The following GSTCD variants were observed in gnomAD, a reference collection of about 807,000 sequenced individuals.
The protein encoded by GSTCD is glutathione S-transferase C-terminal domain-containing protein.
A neutral mutation model predicts 68.3 loss-of-function variants in GSTCD; 44 were observed. The observed-to-expected ratio is 0.64, with a 90% CI of 0.51 to 0.83. The LOEUF is 0.83. Among genes scored for constraint, GSTCD ranks in the 40% least tolerant of loss-of-function variants. GSTCD has a pLI of 0.00. For missense variants in GSTCD, 739 were observed against 735.9 expected (o/e 1.00, Z -0.05); for synonymous variants, 273 against 255.2 (o/e 1.07, Z -0.67).
chr4:105,824,475 T>C (rs1723484042), intron 7 of GSTCD, among the ~76,000 whole-genome samples: 1 of 152,204 alleles, frequency 6.6e-6, no homozygotes, highest in Non-Finnish European at 1.5e-5. Flanking sequence ...AGGAAAGCCT[T>C]TCACACCAAG....
chr4:105,709,959 A>G (rs894324723), intron 1 of GSTCD, among the ~76,000 whole-genome samples: 1 of 151,892 alleles, frequency 6.6e-6, no homozygotes, highest in Admixed American at 6.6e-5. Context: ...ACATTAAGCT[A>G]TGCGGGTTTT....
rs1168119533 is a variant in GSTCD, at chr4:105,719,154, T to C, written c.521T>C (p.Val174Ala). The change falls in exon 3 of 12, where the codon GTA becomes GCA. Residue 174 changes from valine (V) to alanine (A), a missense_variant. Val to Ala is a moderately conservative substitution (Grantham distance 64). Coordinates refer to ENST00000515279, the MANE Select transcript of GSTCD (RefSeq NM_001370181.1). Reference protein sequence around the residue: ...ESSDQPPTIPVEILQLEKKLS... With the variant: ...ESSDQPPTIPAEILQLEKKLS... ...TCTGACCAGCCCCCAACTATACCTG[T>C]AGAAATACTACAGCTAGAGAAAAAG... 3.7e-6 allele frequency: 6 copies of C among 1,614,096 alleles called. No homozygotes were observed. Among genetic ancestry groups the C allele is most frequent in the Middle Eastern group, 1.6e-4 (1 of 6,062 alleles).
intron 5 of GSTCD, among the ~76,000 whole-genome samples, chr4:105,749,233 T>C (rs1578433925): frequency 1.3e-5 from 2 of 152,078 alleles, no homozygotes; most frequent in Middle Eastern, 7.1e-3. Context: ...ATACACTTAT[T>C]ATTTAAATTT....
chr4:105,742,642 G>A (rs1733666051), intron 5 of GSTCD, among the ~76,000 whole-genome samples: 1 of 151,956 alleles, frequency 6.6e-6, no homozygotes, highest in South Asian at 2.1e-4. Context: ...TCATATGGAA[G>A]TGAGAATTAA....
intron 11 of GSTCD, among the ~76,000 whole-genome samples, chr4:105,844,335 A>T (rs1724471959): frequency 6.6e-6 from 1 of 152,190 alleles, no homozygotes. Flanking sequence ...CCTAAATGGA[A>T]TTCTGGACAT....
At position 105,816,687 on chromosome 4, in the gene GSTCD, G is replaced by A. The variant is rs149687801; in HGVS notation, c.1241-6267G>A. ...AAGCACCTCATTTCCTTGAACGCACGCATATGAAAAAGACACCAGCATTGA... is the reference window on the plus strand; with the variant it reads ...AAGCACCTCATTTCCTTGAACGCACACATATGAAAAAGACACCAGCATTGA... On this transcript the variant is annotated intron_variant, in intron 5 of 11. Transcript: ENST00000515279. 1.6e-4 allele frequency among the ~76,000 whole-genome samples: 25 copies of A among 152,024 alleles called. No individual in the cohort carries two copies. In the East Asian group the frequency reaches 4.1e-3, roughly 25 times the overall value.
intron 11 of GSTCD, among the ~76,000 whole-genome samples, chr4:105,843,855 G>A (rs901517855): frequency 7.1e-6 from 1 of 140,250 alleles, no homozygotes; most frequent in Non-Finnish European, 1.5e-5. Context: ...TGTGTTTTAG[G>A]TATCAAACTA....
At chr4:105,733,028 A>G (rs1158741340) in intron 5 of GSTCD, among the ~76,000 whole-genome samples, 4 of 152,168 alleles carry the variant, frequency 2.6e-5, no homozygotes, top group African/African-American at 4.8e-5. Flanking sequence ...GCTGAGTTCT[A>G]GTTTGATTGC....
intron 5 of GSTCD, among the ~76,000 whole-genome samples, chr4:105,764,801 T>G (rs1368936958): frequency 6.6e-6 from 1 of 152,216 alleles, no homozygotes; most frequent in East Asian, 1.9e-4. Flanking sequence ...CATCAGTGAT[T>G]GTGGGTAATC....
At chr4:105,723,646 T>C (rs1191330249) in intron 3 of GSTCD, among the ~76,000 whole-genome samples, 1 of 151,822 alleles carries the variant, frequency 6.6e-6, no homozygotes, top group African/African-American at 2.4e-5. Flanking sequence ...CCATGGATAC[T>C]GAGGGACAAC....
chr4:105,834,281 T>C (rs1392251581), intron 8 of GSTCD, among the ~76,000 whole-genome samples, 180 bp from the exon 9 acceptor site: 1 of 152,256 alleles, frequency 6.6e-6, no homozygotes, highest in African/African-American at 2.4e-5. Context: ...GAATGAATCT[T>C]ATGCTTTATT....
chr4:105,813,781 A>C (rs1722853093), intron 5 of GSTCD, among the ~76,000 whole-genome samples: 1 of 152,068 alleles, frequency 6.6e-6, no homozygotes, highest in Non-Finnish European at 1.5e-5. Flanking sequence ...TTTTTATTCA[A>C]ATTTCAATTC....
At chr4:105,734,997 T>C (rs1450717250) in intron 5 of GSTCD, among the ~76,000 whole-genome samples, 1 of 152,148 alleles carries the variant, frequency 6.6e-6, no homozygotes, top group Non-Finnish European at 1.5e-5. Context: ...GAACAGCGAA[T>C]ATTGTTGAAC....
In GSTCD at chr4:105,815,107, T is replaced by C. The variant is rs1458035545; in HGVS notation, c.1241-7847T>C. On this transcript the variant is annotated intron_variant, in intron 5 of 11. Transcript: ENST00000515279. ...AGCCAATATTATGGTATCTGTCTTA[T>C]GCTCCATTGCCACATAAATAACCTC... 3 of 152,222 alleles carry C rather than the reference T, an allele frequency of 2.0e-5. No homozygotes were observed. The East Asian group carries it at 5.8e-4, about 29-fold the overall frequency. 9.4% of individuals were successfully genotyped at this position (152,222 alleles called of 1,614,324 possible). A position where few individuals can be genotyped will look rare whatever the true frequency, so the allele number is the denominator to read the frequency against.
chr4:105,834,912 G>A (rs1724052249), intron 9 of GSTCD, among the ~76,000 whole-genome samples: 1 of 152,188 alleles, frequency 6.6e-6, no homozygotes, highest in Non-Finnish European at 1.5e-5. Flanking sequence ...ATGTCTATGA[G>A]AGGCAGTCAA....
chr4:105,786,403 T>G (rs1257967270), intron 5 of GSTCD, among the ~76,000 whole-genome samples: 2 of 151,836 alleles, frequency 1.3e-5, no homozygotes, highest in South Asian at 2.1e-4. Context: ...TCCCAGCTAC[T>G]AAGGAGACTG....
chr4:105,781,491 A>T (rs1735271271), intron 5 of GSTCD, among the ~76,000 whole-genome samples: 1 of 151,630 alleles, frequency 6.6e-6, no homozygotes, highest in Non-Finnish European at 1.5e-5. Flanking sequence ...TCCTGGCCTC[A>T]AGCAATCCTG....
At position 105,819,429 on chromosome 4, in the gene GSTCD, G is replaced by A. The variant is rs138986256; in HGVS notation, c.1241-3525G>A. ...AACACACACCTTCTTCTTAAATACC[G>A]TTAACTTCTTAAGAACAGAAACTAT... On this transcript the variant is annotated intron_variant, in intron 5 of 11. Transcript: ENST00000515279. Among the ~76,000 whole-genome samples the A allele has an allele frequency of 7.8e-4, 118 of 151,786 alleles. 2 individuals are homozygous for A. The highest frequency in any genetic ancestry group is 6.8e-3 in the Middle Eastern group (2 of 294).
At chr4:105,786,741 G>A (rs1735483337) in intron 5 of GSTCD, among the ~76,000 whole-genome samples, 1 of 152,090 alleles carries the variant, frequency 6.6e-6, no homozygotes, top group South Asian at 2.1e-4. Context: ...ATGAATATAT[G>A]CTCAACATCA....
Sources: gnomAD v4.1 joint callset for allele counts (sites outside exome capture counted in the v4.1 genomes callset) on GRCh38, gnomAD v4.1.1 for gene constraint, MANE v1.5 for transcripts, NCBI Gene and HGNC (gene_info 2026-07-23, HGNC 2026-07-21) for gene names.